The following GPC5 variants were observed in gnomAD, a reference collection of about 807,000 sequenced individuals.
GPC5 encodes the protein glypican-5.
In GPC5, 47 loss-of-function variants were observed where a neutral mutation model predicts 53.9. The observed-to-expected ratio is 0.87, with a 90% CI of 0.69 to 1.11. GPC5 has a LOEUF of 1.11. GPC5 is among the 50% of genes most tolerant of loss of function. GPC5 has a pLI of 0.00. For synonymous variants in GPC5, 286 were observed against 263.3 expected, an observed-to-expected ratio of 1.09 and a Z score of -0.84; for missense variants, 748 against 713.1, an observed-to-expected ratio of 1.05 and a Z score of -0.56.
At chr13:92,660,646 C>T (rs1207743653) in intron 7 of GPC5, among the ~76,000 whole-genome samples, 1 of 151,840 alleles carries the variant, frequency 6.6e-6, no homozygotes, top group African/African-American at 2.4e-5. Flanking sequence ...CTCTCTGCAT[C>T]TTATCCATTG....
chr13:92,474,626 T>G (rs1180542007), intron 7 of GPC5, among the ~76,000 whole-genome samples: 1 of 151,234 alleles, frequency 6.6e-6, no homozygotes, highest in Non-Finnish European at 1.5e-5. Context: ...AATTCCTAGT[T>G]GTGATGGTTA....
intron 6 of GPC5, among the ~76,000 whole-genome samples, chr13:92,084,862 AAC>A (rs914257253): frequency 4.6e-5 from 7 of 152,322 alleles, no homozygotes; most frequent in African/African-American, 1.7e-4. Flanking sequence ...ACTATAAGAA[AAC>A]ACGTTAGACA....
At chr13:91,929,810 C>T (rs1458748181) in intron 6 of GPC5, among the ~76,000 whole-genome samples, 1 of 137,742 alleles carries the variant, frequency 7.3e-6, no homozygotes, top group African/African-American at 2.8e-5. Flanking sequence ...CTCAGATTTT[C>T]TATTTTTTTT....
At chr13:92,724,321 T>C (rs1200291281) in intron 7 of GPC5, among the ~76,000 whole-genome samples, 1 of 151,598 alleles carries the variant, frequency 6.6e-6, no homozygotes, top group Non-Finnish European at 1.5e-5. Context: ...ATCAGGCACA[T>C]AAATGTGTTA....
rs1181042879 is a variant in GPC5 at position 91,975,061 on chromosome 13, A to G, written c.1401+67004A>G. 2.0e-5 allele frequency among the ~76,000 whole-genome samples: 3 copies of G among 152,238 alleles called. No individual in the cohort carries two copies. The East Asian group carries it at 5.8e-4, about 29-fold the overall frequency. ...ATAAATGGTGCTGGGAAAACTGGCT[A>G]GACATATGTAGAAAGATGAAACTGG... On this transcript the variant is annotated intron_variant, in intron 6 of 7. Coordinates refer to ENST00000377067, the MANE Select transcript of GPC5 (RefSeq NM_004466.6).
chr13:92,181,448 G>T (rs546594494), intron 7 of GPC5, among the ~76,000 whole-genome samples: 1 of 152,140 alleles, frequency 6.6e-6, no homozygotes, highest in Non-Finnish European at 1.5e-5. Flanking sequence ...GATAATTAAT[G>T]CTTTGAATAC....
intron 1 of GPC5, among the ~76,000 whole-genome samples, chr13:91,422,447 C>T (rs376720381): frequency 1.3e-4 from 20 of 152,054 alleles, no homozygotes; most frequent in African/African-American, 4.6e-4. Flanking sequence ...ACTAGCCTGG[C>T]CAACATGGTG....
At chr13:92,538,708 C>T (rs1594287236) in intron 7 of GPC5, among the ~76,000 whole-genome samples, 1 of 135,596 alleles carries the variant, frequency 7.4e-6, no homozygotes, top group Admixed American at 8.1e-5. Context: ...TGAGAACATA[C>T]AGTGTTTGGT....
chr13:92,017,826 G>A (rs759309556), intron 6 of GPC5, among the ~76,000 whole-genome samples: 3 of 150,532 alleles, frequency 2.0e-5, no homozygotes, highest in Admixed American at 6.6e-5. Context: ...ACACACGCAT[G>A]AGCACACACA....
chr13:92,226,927 AC>A (rs2042491187), intron 7 of GPC5, among the ~76,000 whole-genome samples: 1 of 152,016 alleles, frequency 6.6e-6, no homozygotes, highest in Non-Finnish European at 1.5e-5. Flanking sequence ...AATAGAAGTA[AC>A]CCGTATGCTC....
At chr13:92,099,494 A>G (rs1438305190) in intron 6 of GPC5, among the ~76,000 whole-genome samples, 1 of 152,130 alleles carries the variant, frequency 6.6e-6, no homozygotes, top group Non-Finnish European at 1.5e-5. Flanking sequence ...CCTAATGTCC[A>G]ATCTTTCCCA....
At chr13:91,832,965 T>C (rs1177658941) in intron 5 of GPC5, among the ~76,000 whole-genome samples, 1 of 152,062 alleles carries the variant, frequency 6.6e-6, no homozygotes, top group Non-Finnish European at 1.5e-5. Flanking sequence ...CCTGGTTTTT[T>C]GAAAAGATCA....
At chr13:92,636,251 A>G (rs532678929) in intron 7 of GPC5, among the ~76,000 whole-genome samples, 2 of 152,326 alleles carry the variant, frequency 1.3e-5, no homozygotes, top group African/African-American at 4.8e-5. Context: ...TCATTTTTTG[A>G]CCAAACATTT....
At chr13:92,189,742 T>C (rs1030630088) in intron 7 of GPC5, among the ~76,000 whole-genome samples, 1 of 151,948 alleles carries the variant, frequency 6.6e-6, no homozygotes, top group Non-Finnish European at 1.5e-5. Context: ...CAAGAACAGA[T>C]GGATAATGTA....
chr13:92,431,729 A>G (rs1877095374), intron 7 of GPC5, among the ~76,000 whole-genome samples: 1 of 152,174 alleles, frequency 6.6e-6, no homozygotes, highest in Non-Finnish European at 1.5e-5. Flanking sequence ...AGAGTAATCA[A>G]ACAGATCACT....
intron 7 of GPC5, among the ~76,000 whole-genome samples, chr13:92,162,331 T>C (rs920209128): frequency 4.6e-5 from 7 of 152,162 alleles, no homozygotes; most frequent in Non-Finnish European, 8.8e-5. Context: ...AAATTATTAA[T>C]TGGTCCTTAA....
chr13:91,438,937 C>T (rs957638209), intron 1 of GPC5, among the ~76,000 whole-genome samples: 2 of 152,214 alleles, frequency 1.3e-5, no homozygotes, highest in Admixed American at 1.3e-4. Flanking sequence ...AGTGAGGCTC[C>T]GTGGGCGTAG....
At chr13:91,924,403 A>G (rs569594157) in intron 6 of GPC5, among the ~76,000 whole-genome samples, 4 of 152,218 alleles carry the variant, frequency 2.6e-5, no homozygotes, top group Non-Finnish European at 1.5e-5. Flanking sequence ...TTAAAGGACA[A>G]TGTTTTACCT....
chr13:92,724,903 C>CACACACACACACACACAG (rs1358016015), intron 7 of GPC5, among the ~76,000 whole-genome samples: 4 of 149,934 alleles, frequency 2.7e-5, no homozygotes, highest in African/African-American at 9.8e-5. Flanking sequence ...CACACACACA[C>CACACACACACACACACAG]ACACACACAA....
Sources: allele counts gnomAD v4.1 joint callset (sites outside exome capture counted in the v4.1 genomes callset), GRCh38; gene constraint gnomAD v4.1.1; transcripts MANE v1.5; gene names NCBI Gene and HGNC (gene_info 2026-07-23, HGNC 2026-07-21).